Variants in ASTN2 observed in about 807,000 individuals in gnomAD.
ASTN2 encodes the protein astrotactin 2, also known as astrotactin-2.
ASTN2 carries 54 observed loss-of-function variants against 139.8 expected under a neutral mutation model. That is an observed-to-expected ratio of 0.39 (90% CI 0.31 to 0.48). The LOEUF (loss-of-function observed/expected upper bound fraction) is 0.48, where lower values mean the gene tolerates loss of function less well. ASTN2 is among the 20% of genes least tolerant of loss of function. The probability of loss-of-function intolerance (pLI) is 0.95; values close to 1 mark genes in which losing one functional copy is unlikely to be tolerated. For synonymous variants in ASTN2, 756 were observed against 719.5 expected, an observed-to-expected ratio of 1.05 and a Z score of -0.81; for missense variants, 1,565 against 1,725.1, an observed-to-expected ratio of 0.91 and a Z score of 1.64.
chr9:117,235,240 A>T (rs997482576), intron 2 of ASTN2, among the ~76,000 whole-genome samples: 7 of 140,198 alleles, frequency 5.0e-5, no homozygotes, highest in African/African-American at 1.3e-4. Flanking sequence ...TGTCTCAATT[A>T]AAAAAAAAAA....
At position 116,920,842 on chromosome 9, in the gene ASTN2, C is replaced by G. The variant is rs73527987; in HGVS notation, c.1889+54366G>C. 3.7e-3 allele frequency among the ~76,000 whole-genome samples: 561 copies of G among 152,326 alleles called. 4 individuals carry two copies. Among genetic ancestry groups the G allele is most frequent in the African/African-American group, 0.013 (535 of 41,582 alleles). On this transcript the variant is annotated intron_variant, in intron 10 of 22. Transcript: ENST00000313400. Reference sequence around the variant, plus strand: ...AAGTTACCTGCTCAAGACAACGTAGCTAGTAGGAGCAAAGCCAGGATTCAA... The same window carrying G: ...AAGTTACCTGCTCAAGACAACGTAGGTAGTAGGAGCAAAGCCAGGATTCAA...
intron 10 of ASTN2, among the ~76,000 whole-genome samples, chr9:116,924,446 A>T (rs1006407177): frequency 6.7e-5 from 10 of 150,008 alleles, no homozygotes; most frequent in African/African-American, 2.4e-4. Context: ...AAAAAAAAAA[A>T]AAAAAGAATG....
chr9:117,304,528 G>C (rs76484918), intron 1 of ASTN2, among the ~76,000 whole-genome samples: 2 of 152,122 alleles, frequency 1.3e-5, no homozygotes, highest in African/African-American at 4.8e-5. Flanking sequence ...GGATCCTGCC[G>C]TATTTCCCTC....
intron 13 of ASTN2, among the ~76,000 whole-genome samples, chr9:116,783,405 C>T (rs568877854): frequency 6.6e-6 from 1 of 151,402 alleles, no homozygotes; most frequent in African/African-American, 2.4e-5. Context: ...TGTTAACGAC[C>T]TACCACGCAC....
intron 7 of ASTN2, among the ~76,000 whole-genome samples, chr9:116,984,990 G>A (rs559898135): frequency 4.6e-5 from 7 of 152,270 alleles, no homozygotes; most frequent in Admixed American, 1.3e-4. Flanking sequence ...AACATGATTC[G>A]CGTGAAATAA....
At chr9:117,032,090 A>G (rs1210421822) in intron 6 of ASTN2, among the ~76,000 whole-genome samples, 1 of 152,122 alleles carries the variant, frequency 6.6e-6, no homozygotes, top group African/African-American at 2.4e-5. Flanking sequence ...AGTAACAGTA[A>G]TAGGAGTTAG....
chr9:116,963,042 A>T (rs1476187277), intron 10 of ASTN2, among the ~76,000 whole-genome samples: 4 of 152,208 alleles, frequency 2.6e-5, no homozygotes, highest in African/African-American at 9.7e-5. Flanking sequence ...GAACTCCAGG[A>T]ACACATAGAC....
chr9:117,388,507 A>G (rs1177696768), intron 1 of ASTN2, among the ~76,000 whole-genome samples: 2 of 152,212 alleles, frequency 1.3e-5, no homozygotes, highest in Non-Finnish European at 1.5e-5. Context: ...AGATCCCCAG[A>G]GCAAGCTCCT....
At chr9:117,360,658 A>G (rs545578398) in intron 1 of ASTN2, among the ~76,000 whole-genome samples, 1 of 152,136 alleles carries the variant, frequency 6.6e-6, no homozygotes, top group Non-Finnish European at 1.5e-5. Flanking sequence ...TCATGACTCC[A>G]TGGTGAGCAT....
At chr9:117,025,445 T>G (rs991643884) in intron 6 of ASTN2, among the ~76,000 whole-genome samples, 2 of 152,132 alleles carry the variant, frequency 1.3e-5, no homozygotes, top group Non-Finnish European at 2.9e-5. Context: ...CTCTGTATCT[T>G]TTTTCAGGCC....
chr9:116,630,115 G>T (rs187572322), intron 17 of ASTN2, among the ~76,000 whole-genome samples: 2 of 152,252 alleles, frequency 1.3e-5, no homozygotes, highest in Non-Finnish European at 2.9e-5. Context: ...ATGACATGCA[G>T]GGATTCATTT....
intron 5 of ASTN2, among the ~76,000 whole-genome samples, chr9:117,080,832 C>G (rs1224350104): frequency 1.3e-5 from 2 of 151,992 alleles, no homozygotes; most frequent in African/African-American, 2.4e-5. Context: ...CTTGCTAACC[C>G]CTGACACCCC....
chr9:117,173,941 C>T (rs1279029671), intron 3 of ASTN2, among the ~76,000 whole-genome samples: 1 of 150,156 alleles, frequency 6.7e-6, no homozygotes, highest in Admixed American at 6.7e-5. Flanking sequence ...TGCTCTCTCT[C>T]CTTTACTCTT....
intron 19 of ASTN2, among the ~76,000 whole-genome samples, chr9:116,596,619 A>G (rs903340359): frequency 6.6e-6 from 1 of 152,228 alleles, no homozygotes; most frequent in Admixed American, 6.5e-5. Context: ...ATACCTCAAT[A>G]AAGCTGTCTT....
intron 14 of ASTN2, among the ~76,000 whole-genome samples, chr9:116,731,213 AAT>A (rs1828772943): frequency 8.1e-6 from 1 of 123,958 alleles, no homozygotes; most frequent in Admixed American, 9.4e-5. Flanking sequence ...TAATAATAAT[AAT>A]AATAATAATA....
intron 16 of ASTN2, among the ~76,000 whole-genome samples, chr9:116,718,136 G>C (rs1336235216): frequency 6.6e-6 from 1 of 152,180 alleles, no homozygotes; most frequent in East Asian, 1.9e-4. Flanking sequence ...AAAGGATCCT[G>C]ACATAGCCTG....
chr9:116,553,591 T>C (rs1852453310), intron 19 of ASTN2, among the ~76,000 whole-genome samples: 1 of 152,212 alleles, frequency 6.6e-6, no homozygotes, highest in Non-Finnish European at 1.5e-5. Context: ...TAGCAGAAAG[T>C]GCATTGGCTT....
intron 1 of ASTN2, among the ~76,000 whole-genome samples, chr9:117,398,661 T>G (rs1830742247): frequency 6.6e-6 from 1 of 152,256 alleles, no homozygotes; most frequent in South Asian, 2.1e-4. Flanking sequence ...CCCATAAGCA[T>G]TCCAGCAAAC....
At chr9:117,266,672 C>T (rs190014178) in intron 2 of ASTN2, among the ~76,000 whole-genome samples, 4 of 152,166 alleles carry the variant, frequency 2.6e-5, no homozygotes, top group Non-Finnish European at 5.9e-5. Context: ...TTTTCTCCTT[C>T]CTTTCATATT....
Sources: allele counts gnomAD v4.1 joint callset (sites outside exome capture counted in the v4.1 genomes callset), GRCh38; gene constraint gnomAD v4.1.1; transcripts MANE v1.5; gene names NCBI Gene and HGNC (gene_info 2026-07-23, HGNC 2026-07-21).